Variants in ANKRD36C observed in about 807,000 individuals in gnomAD.
The protein encoded by ANKRD36C is ankyrin repeat domain 36C.
A neutral mutation model predicts 276.4 loss-of-function variants in ANKRD36C; 61 were observed. The ratio of observed to expected loss-of-function variants is 0.22; its 90% confidence interval spans 0.18 to 0.27. The LOEUF is 0.27. ANKRD36C is among the 10% of genes least tolerant of loss of function. The pLI is 1.00. For missense variants in ANKRD36C, 1,447 were observed against 2,032.3 expected (o/e 0.71, Z 5.54); for synonymous variants, 483 against 680.1 (o/e 0.71, Z 4.51).
chr2:95,897,784 A>T (rs1456498406), intron 44 of ANKRD36C, among the ~76,000 whole-genome samples: 1 of 148,214 alleles, frequency 6.7e-6, no homozygotes, highest in East Asian at 2.0e-4. Flanking sequence ...GAGGAGCAAC[A>T]CATACACCTG....
At chr2:95,990,553 C>T (rs1573823562) in intron 1 of ANKRD36C, among the ~76,000 whole-genome samples, 2 of 151,882 alleles carry the variant, frequency 1.3e-5, no homozygotes, top group South Asian at 2.1e-4. Context: ...TTCTTAATGT[C>T]GTCACAATAG....
intron 59 of ANKRD36C, among the ~76,000 whole-genome samples, chr2:95,870,393 C>A (rs1489851278): frequency 6.6e-6 from 1 of 152,168 alleles, no homozygotes; most frequent in African/African-American, 2.4e-5. Flanking sequence ...CTGCTGATAC[C>A]CAGGCAGACA....
chr2:95,864,911 A>G (rs1459825185), intron 60 of ANKRD36C, among the ~76,000 whole-genome samples: 1 of 152,108 alleles, frequency 6.6e-6, no homozygotes, highest in East Asian at 1.9e-4. Flanking sequence ...GCCAGAACTA[A>G]TAAGTGAGTT....
intron 59 of ANKRD36C, chr2:95,875,897 A>C: frequency 6.3e-6 from 2 of 318,074 alleles, no homozygotes; most frequent in South Asian, 5.4e-5. Flanking sequence ...CAAAGGTGCC[A>C]TTCTGCAAGG....
At chr2:95,851,779 A>G (rs1675297150) in exon 66 of ANKRD36C, 2 of 1,533,430 alleles carry the variant, frequency 1.3e-6, no homozygotes, top group African/African-American at 2.8e-5. Context: ...GACATTTTCT[A>G]CTTCAAGCCT....
chr2:95,887,879 T>C, intron 50 of ANKRD36C, 46 bp downstream of exon 70: 1 of 1,547,812 alleles, frequency 6.5e-7, no homozygotes, highest in South Asian at 1.2e-5. Context: ...AGAAGTACTT[T>C]TCTATCTGGA....
chr2:95,923,772 C>G (rs1323063456), intron 30 of ANKRD36C, 83 bp from the exon 31 acceptor site: 7 of 1,566,874 alleles, frequency 4.5e-6, no homozygotes, highest in Non-Finnish European at 6.1e-6. Context: ...TAGAATCAAG[C>G]TGTATGCTCC....
At chr2:95,964,002 T>TAAATAA (rs1678531990) in intron 6 of ANKRD36C, among the ~76,000 whole-genome samples, 1 of 20,238 alleles carries the variant, frequency 4.9e-5, no homozygotes, top group Non-Finnish European at 8.5e-5. Flanking sequence ...TATATATATA[T>TAAATAA]ATATATATAT....
At chr2:95,902,692 T>G (rs977063298) in intron 42 of ANKRD36C, among the ~76,000 whole-genome samples, 194 bp downstream of exon 54, 3 of 150,368 alleles carry the variant, frequency 2.0e-5, no homozygotes, top group African/African-American at 4.9e-5. Flanking sequence ...TGGGGAAGTG[T>G]ATAATCTTAC....
chr2:95,882,983 A>G (rs1676119431), intron 54 of ANKRD36C, among the ~76,000 whole-genome samples: 1 of 152,144 alleles, frequency 6.6e-6, no homozygotes, highest in Non-Finnish European at 1.5e-5. Flanking sequence ...CTTTAGTAGA[A>G]TGTACACTTC....
chr2:95,882,759 A>G (rs1235282417), intron 54 of ANKRD36C, among the ~76,000 whole-genome samples: 1 of 152,188 alleles, frequency 6.6e-6, no homozygotes, highest in African/African-American at 2.4e-5. Context: ...AAAAGTGTCA[A>G]TATCAATGTG....
chr2:95,850,212 A>G (rs567847424), downstream of ANKRD36C, among the ~76,000 whole-genome samples: 82 of 152,390 alleles, frequency 5.4e-4, no homozygotes, highest in Non-Finnish European at 8.7e-4. Context: ...CTCTTCATTC[A>G]TGTATTCAGC....
intron 42 of ANKRD36C, among the ~76,000 whole-genome samples, chr2:95,911,181 T>G (rs893742425): frequency 5.9e-5 from 9 of 151,610 alleles, no homozygotes; most frequent in African/African-American, 1.9e-4. Context: ...CTTAAGTTTC[T>G]TTCATCCACT....
chr2:95,954,998 C>T (rs567471821), intron 13 of ANKRD36C, among the ~76,000 whole-genome samples: 1 of 152,398 alleles, frequency 6.6e-6, no homozygotes, highest in East Asian at 1.9e-4. Context: ...TCCTCTGCTT[C>T]TGGAAAGTAA....
chr2:95,923,102 G>C (rs796498047), intron 32 of ANKRD36C, among the ~76,000 whole-genome samples: 2 of 151,486 alleles, frequency 1.3e-5, no homozygotes, highest in Non-Finnish European at 3.0e-5. Context: ...AATTTTTACT[G>C]GTTATTATGA....
At chr2:95,955,959 A>T (rs1207988807) in intron 13 of ANKRD36C, among the ~76,000 whole-genome samples, 1 of 152,106 alleles carries the variant, frequency 6.6e-6, no homozygotes, top group Non-Finnish European at 1.5e-5. Context: ...CTTAAACCCT[A>T]AGAAAAGTGG....
At chr2:95,934,559 A>G (rs1299183953) in intron 24 of ANKRD36C, among the ~76,000 whole-genome samples, 1 of 152,210 alleles carries the variant, frequency 6.6e-6, no homozygotes, top group Non-Finnish European at 1.5e-5. Flanking sequence ...AACAATAAGA[A>G]CACATGGACA....
intron 13 of ANKRD36C, among the ~76,000 whole-genome samples, chr2:95,955,785 A>G (rs1678313131): frequency 6.6e-6 from 1 of 152,182 alleles, no homozygotes; most frequent in Non-Finnish European, 1.5e-5. Flanking sequence ...TCTCCACCTG[A>G]ACAACCACTT....
At chr2:95,860,411 A>G (rs555087744) in intron 60 of ANKRD36C, among the ~76,000 whole-genome samples, 1 of 152,262 alleles carries the variant, frequency 6.6e-6, no homozygotes, top group Admixed American at 6.5e-5. Context: ...AAGAGATGCT[A>G]CACTGAGAAA....
Sources: allele counts gnomAD v4.1 joint callset (sites outside exome capture counted in the v4.1 genomes callset), GRCh38; gene constraint gnomAD v4.1.1; transcripts MANE v1.5; gene names NCBI Gene and HGNC (gene_info 2026-07-23, HGNC 2026-07-21).